GULP1: variants seen among roughly 807,000 people sequenced by gnomAD.
GULP1 encodes the protein PTB domain-containing engulfment adapter protein 1.
In GULP1, 19 loss-of-function variants were observed where a neutral mutation model predicts 40.9. The observed-to-expected ratio is 0.46, with a 90% confidence interval of 0.32 to 0.68. GULP1 has a LOEUF of 0.68. GULP1 is among the 30% of genes least tolerant of loss of function. The pLI is 0.03. For synonymous variants in GULP1, 119 were observed against 117.6 expected (o/e 1.01, Z -0.08); for missense variants, 312 against 362.2 (o/e 0.86, Z 1.12).
intron 1 of GULP1, among the ~76,000 whole-genome samples, chr2:188,327,748 T>C (rs1479361168): frequency 6.6e-6 from 1 of 152,100 alleles, no homozygotes; most frequent in African/African-American, 2.4e-5. Flanking sequence ...GATGCTGAGT[T>C]AGGGATACAT....
chr2:188,321,413 C>A (rs191045125), intron 1 of GULP1, among the ~76,000 whole-genome samples: 29 of 152,170 alleles, frequency 1.9e-4, no homozygotes, highest in African/African-American at 7.0e-4. Flanking sequence ...ATATTTGATA[C>A]TAATACTGAG....
intron 7 of GULP1, among the ~76,000 whole-genome samples, chr2:188,559,484 A>G (rs966881200): frequency 1.3e-5 from 2 of 152,174 alleles, no homozygotes; most frequent in Non-Finnish European, 2.9e-5. Context: ...CGGAAGGGAA[A>G]TGTGGGGTCA....
intron 1 of GULP1, among the ~76,000 whole-genome samples, chr2:188,366,059 G>A (rs1273268421): frequency 1.3e-5 from 2 of 152,010 alleles, no homozygotes; most frequent in African/African-American, 4.8e-5. Flanking sequence ...CTCAACTGAG[G>A]GGCATCCCTC....
intron 2 of GULP1, among the ~76,000 whole-genome samples, chr2:188,467,609 G>T: frequency 6.6e-6 from 1 of 151,452 alleles, no homozygotes; most frequent in African/African-American, 2.4e-5. Context: ...CTCCAATATA[G>T]GCCATTTATC....
chr2:188,530,521 T>C (rs1687259898), intron 6 of GULP1, among the ~76,000 whole-genome samples: 1 of 152,184 alleles, frequency 6.6e-6, no homozygotes, highest in Non-Finnish European at 1.5e-5. Flanking sequence ...TAACTTAGGT[T>C]AAATGAGATT....
chr2:188,443,762 C>CT (rs1460350684), intron 2 of GULP1, among the ~76,000 whole-genome samples: 1 of 151,234 alleles, frequency 6.6e-6, no homozygotes, highest in African/African-American at 2.4e-5. Flanking sequence ...TCTCGGCTCA[C>CT]TGCCACCTCC....
chr2:188,341,038 G>A (rs1281256216), intron 1 of GULP1, among the ~76,000 whole-genome samples: 2 of 152,048 alleles, frequency 1.3e-5, no homozygotes, highest in African/African-American at 4.8e-5. Flanking sequence ...GGTCAGGGGT[G>A]GTTTTGGAAA....
intron 6 of GULP1, among the ~76,000 whole-genome samples, chr2:188,533,151 A>G (rs972479368): frequency 6.6e-6 from 1 of 152,050 alleles, no homozygotes; most frequent in East Asian, 1.9e-4. Flanking sequence ...ATTTTTTTTC[A>G]TTAACTTTAA....
intron 1 of GULP1, among the ~76,000 whole-genome samples, chr2:188,358,919 G>A (rs1275226780): frequency 6.6e-6 from 1 of 151,950 alleles, no homozygotes; most frequent in Admixed American, 6.6e-5. Context: ...AATCAGTCTA[G>A]CATCTTAAAT....
intron 1 of GULP1, among the ~76,000 whole-genome samples, chr2:188,372,107 G>A (rs2047678166): frequency 1.3e-5 from 2 of 152,068 alleles, no homozygotes; most frequent in South Asian, 4.1e-4. Flanking sequence ...GAGAGGATGT[G>A]CCTCTGGCAG....
chr2:188,307,553 T>A (rs1289716840), intron 1 of GULP1, among the ~76,000 whole-genome samples: 1 of 150,590 alleles, frequency 6.6e-6, no homozygotes. Context: ...AGCTACTAAG[T>A]TTTTTAGTTC....
chr2:188,514,206 G>A (rs2153217612), intron 4 of GULP1, among the ~76,000 whole-genome samples: 1 of 151,954 alleles, frequency 6.6e-6, no homozygotes, highest in East Asian at 1.9e-4. Context: ...TATCTTACTT[G>A]TTTCTATTGA....
At chr2:188,360,343 C>G (rs1405352348) in intron 1 of GULP1, among the ~76,000 whole-genome samples, 1 of 152,074 alleles carries the variant, frequency 6.6e-6, no homozygotes, top group African/African-American at 2.4e-5. Flanking sequence ...TTCAAAAAAT[C>G]TCTATTATGC....
At chr2:188,376,151 G>T (rs184413524) in intron 1 of GULP1, among the ~76,000 whole-genome samples, 2 of 152,018 alleles carry the variant, frequency 1.3e-5, no homozygotes, top group Non-Finnish European at 2.9e-5. Context: ...TTGTTTAAGG[G>T]TTAACTGTAT....
chr2:188,503,521 C>T (rs984285649), intron 4 of GULP1, among the ~76,000 whole-genome samples: 1 of 151,930 alleles, frequency 6.6e-6, no homozygotes, highest in African/African-American at 2.4e-5. Context: ...TGATCCATCA[C>T]CTCCCACCAG....
At chr2:188,515,348 G>A (rs534700567) in intron 4 of GULP1, among the ~76,000 whole-genome samples, 258 of 152,120 alleles carry the variant, frequency 1.7e-3, no homozygotes, top group Non-Finnish European at 3.0e-3. Context: ...GACCCAGGAT[G>A]CTGGCGCTCT....
At chr2:188,359,342 A>G (rs926312040) in intron 1 of GULP1, among the ~76,000 whole-genome samples, 1 of 152,142 alleles carries the variant, frequency 6.6e-6, no homozygotes, top group African/African-American at 2.4e-5. Context: ...CCAGAGTGAT[A>G]TATGCTATAA....
chr2:188,373,090 A>G (rs1477993916), intron 1 of GULP1, among the ~76,000 whole-genome samples: 6 of 151,744 alleles, frequency 4.0e-5, no homozygotes, highest in Admixed American at 6.6e-5. Flanking sequence ...ATGATTATAT[A>G]TATATATATT....
At chr2:188,410,504 CAAAT>C (rs1304460750) in intron 2 of GULP1, among the ~76,000 whole-genome samples, 12 of 152,066 alleles carry the variant, frequency 7.9e-5, no homozygotes, top group African/African-American at 2.2e-4. Context: ...GGCAAAGAAA[CAAAT>C]AACCCAATTA....
Sources: allele counts gnomAD v4.1 joint callset (sites outside exome capture counted in the v4.1 genomes callset), GRCh38; gene constraint gnomAD v4.1.1; transcripts MANE v1.5; gene names NCBI Gene and HGNC (gene_info 2026-07-23, HGNC 2026-07-21).